Variants in SLAMF9 observed in about 807,000 individuals in gnomAD.
SLAMF9 encodes the protein CD2 family member 10.
A neutral mutation model predicts 30.4 loss-of-function variants in SLAMF9; 25 were observed. That is an observed-to-expected ratio of 0.82 (90% CI 0.60 to 1.15). The LOEUF (loss-of-function observed/expected upper bound fraction) is 1.15. Ranked by LOEUF, SLAMF9 falls within the 50% of genes most tolerant of loss-of-function variation. The probability of loss-of-function intolerance (pLI) is 0.00; values close to 1 mark genes in which losing one functional copy is unlikely to be tolerated. For synonymous variants in SLAMF9, 129 were observed against 127.2 expected (o/e 1.01, Z -0.09); for missense variants, 344 against 346.1 (o/e 0.99, Z 0.05).
chr1:159,954,308 C>T, upstream of SLAMF9: 2 of 550,482 alleles, frequency 3.6e-6, no homozygotes, highest in Admixed American at 3.4e-5. Context: ...CCTCACTAAG[C>T]CCCTCCCTAT....
At chr1:159,973,666 G>A in the SLAMF9 span, 30 of 764,394 alleles carry the variant, frequency 3.9e-5, no homozygotes, top group Middle Eastern at 6.0e-4. Flanking sequence ...GGGAAACCTC[G>A]GGTCCCCACA....
At chr1:159,959,053 T>G (rs1273913292), upstream of SLAMF9, among the ~76,000 whole-genome samples, 1 of 152,180 alleles carries the variant, frequency 6.6e-6, no homozygotes, top group Non-Finnish European at 1.5e-5. Flanking sequence ...GAGCAGTCTC[T>G]GCTCTCTACT....
At chr1:159,955,907 T>G (rs1327652734), upstream of SLAMF9, among the ~76,000 whole-genome samples, 1 of 152,230 alleles carries the variant, frequency 6.6e-6, no homozygotes, top group Non-Finnish European at 1.5e-5. Context: ...AATTTTTTCT[T>G]AAAGGTGAAC....
At position 159,953,393 on chromosome 1, in the gene SLAMF9, C is replaced by T. The variant is rs765216484; in HGVS notation, c.307G>A (p.Glu103Lys). Reference protein sequence around the residue: ...YSLHISNLSWEDSGLYQAQVN... With the variant: ...YSLHISNLSWKDSGLYQAQVN... Reference sequence around the variant, plus strand: ...TGAGCTTGGTAAAGCCCTGAATCCTCCCAGCTCAGATTGCTGATATGCAGG... The same window carrying T: ...TGAGCTTGGTAAAGCCCTGAATCCTTCCAGCTCAGATTGCTGATATGCAGG... Residue 103 changes from glutamate to lysine, a missense_variant, in exon 2 of 4, where the codon GAG (glutamate) becomes AAG (lysine). Coordinates refer to ENST00000368093, the MANE Select transcript of SLAMF9 (RefSeq NM_033438.4). The T allele has an allele frequency of 2.0e-5, 33 of 1,614,098 alleles. No individual in the cohort carries two copies. The highest frequency in any genetic ancestry group is 2.8e-5 in the Non-Finnish European group (33 of 1,180,042).
At chr1:159,972,326 C>T in the SLAMF9 span, among the ~76,000 whole-genome samples, 1 of 152,248 alleles carries the variant, frequency 6.6e-6, no homozygotes, top group East Asian at 1.9e-4. Context: ...GAAACCAGTT[C>T]TCTGGAAGGA....
At chr1:159,970,015 G>A in the SLAMF9 span, among the ~76,000 whole-genome samples, 2 of 152,050 alleles carry the variant, frequency 1.3e-5, no homozygotes, top group Non-Finnish European at 2.9e-5. Context: ...AGCCGTGATC[G>A]CACCTCTGCA....
upstream of SLAMF9, among the ~76,000 whole-genome samples, chr1:159,959,032 AG>A (rs1651986255): frequency 6.6e-6 from 1 of 152,152 alleles, no homozygotes; most frequent in Non-Finnish European, 1.5e-5. Context: ...AGAGGCTGGT[AG>A]TCGGGGAGGG....
the SLAMF9 span, chr1:159,974,018 A>T: frequency 6.2e-7 from 1 of 1,607,354 alleles, no homozygotes; most frequent in African/African-American, 1.3e-5. Flanking sequence ...GAGTCAGGGC[A>T]TCTCCTTCAA....
the SLAMF9 span, among the ~76,000 whole-genome samples, chr1:159,982,663 C>T: frequency 6.6e-6 from 1 of 152,228 alleles, no homozygotes; most frequent in Admixed American, 6.5e-5. Context: ...ATCTCCAACA[C>T]TAGCATAGTA....
chr1:159,964,668 A>G, the SLAMF9 span, among the ~76,000 whole-genome samples: 1 of 152,232 alleles, frequency 6.6e-6, no homozygotes, highest in Admixed American at 6.5e-5. Context: ...TCAAGGTCAC[A>G]GTTTAACGGC....
At chr1:159,953,674 A>C in intron 1 of SLAMF9, 21 bp from the exon 2 acceptor site, 1 of 1,572,766 alleles carries the variant, frequency 6.4e-7, no homozygotes, top group Non-Finnish European at 8.6e-7. Flanking sequence ...AGAAAAGAGA[A>C]GCAAACAACC....
the SLAMF9 span, chr1:159,965,608 C>T: frequency 6.6e-6 from 1 of 152,170 alleles, no homozygotes; most frequent in Non-Finnish European, 1.5e-5. Context: ...TCTCCTTTTG[C>T]AATGGGCCCA....
Position 159,951,666 on chromosome 1 carries a change from C to A in SLAMF9, c.865G>T (p.Ala289Ser). Residue 289 changes from alanine (A) to serine (S), a missense_variant, in exon 4 of 4, where the codon GCC becomes TCC. By Grantham distance (99) the Ala-to-Ser change is moderately conservative. Coordinates refer to ENST00000368093, the MANE Select transcript of SLAMF9 (RefSeq NM_033438.4). ...RKEAKPGSSPA is the reference protein window; with the variant it reads ...RKEAKPGSSPS Reference sequence around the variant, plus strand: ...CTGGGGTTCCCAAGGAGCAGTCAGGCAGGGCTGGAGCCAGGCTTTGCCTCC... The same window carrying A: ...CTGGGGTTCCCAAGGAGCAGTCAGGAAGGGCTGGAGCCAGGCTTTGCCTCC... The A allele has an allele frequency of 6.2e-7, 1 of 1,613,896 alleles. No individual in the cohort carries two copies. Among genetic ancestry groups the A allele is most frequent in the Non-Finnish European group, 8.5e-7 (1 of 1,179,986 alleles).
At chr1:159,979,124 A>C in the SLAMF9 span, 1 of 152,208 alleles carries the variant, frequency 6.6e-6, no homozygotes, top group Middle Eastern at 3.2e-3. Context: ...GAATGTGTGG[A>C]TCACTTAGCA....
At chr1:159,969,087 C>T in the SLAMF9 span, among the ~76,000 whole-genome samples, 1 of 151,928 alleles carries the variant, frequency 6.6e-6, no homozygotes. Context: ...TTGGGGATTC[C>T]CCCTCAAACT....
the SLAMF9 span, chr1:159,965,474 G>T: frequency 6.6e-6 from 1 of 152,182 alleles, no homozygotes; most frequent in Admixed American, 6.5e-5. Context: ...ACACTCTGAT[G>T]ACAATCTATG....
At chr1:159,953,260 C>T (rs1018798858) in intron 2 of SLAMF9, 49 bp downstream of exon 2, 2 of 1,503,208 alleles carry the variant, frequency 1.3e-6, no homozygotes, top group African/African-American at 1.4e-5. Flanking sequence ...GTGTGAGAAG[C>T]TCAGAAGAGC....
At chr1:159,980,788 G>A in the SLAMF9 span, among the ~76,000 whole-genome samples, 3 of 152,144 alleles carry the variant, frequency 2.0e-5, no homozygotes, top group South Asian at 2.1e-4. Context: ...TGATCCACCC[G>A]CCTCAGCCTT....
chr1:159,974,532 G>T, the SLAMF9 span, among the ~76,000 whole-genome samples: 1 of 152,154 alleles, frequency 6.6e-6, no homozygotes, highest in South Asian at 2.1e-4. Flanking sequence ...AGAATCCAGG[G>T]ATTGAAGGAG....
Sources: gnomAD v4.1 joint callset for allele counts (sites outside exome capture counted in the v4.1 genomes callset) on GRCh38, gnomAD v4.1.1 for gene constraint, MANE v1.5 for transcripts, NCBI Gene and HGNC (gene_info 2026-07-23, HGNC 2026-07-21) for gene names.